GALNT17: variants seen among roughly 807,000 people sequenced by gnomAD.
GALNT17 encodes UDP-GalNAc:polypeptide N-acetylgalactosaminyltransferase-like 3.
In GALNT17, 29 loss-of-function variants were observed where a neutral mutation model predicts 63.7. The ratio of observed to expected loss-of-function variants is 0.46; its 90% CI spans 0.34 to 0.62. The LOEUF (loss-of-function observed/expected upper bound fraction) is 0.62. GALNT17 is among the 20% of genes least tolerant of loss of function. The probability of loss-of-function intolerance (pLI) is 0.01; values close to 1 mark genes in which losing one functional copy is unlikely to be tolerated. For synonymous variants in GALNT17, 305 were observed against 318.3 expected, an observed-to-expected ratio of 0.96 and a Z score of 0.45; for missense variants, 603 against 799.6, an observed-to-expected ratio of 0.75 and a Z score of 2.97.
chr7:71,216,181 C>T (rs1177779721), intron 1 of GALNT17, among the ~76,000 whole-genome samples: 3 of 152,066 alleles, frequency 2.0e-5, no homozygotes, highest in Admixed American at 2.0e-4. Flanking sequence ...CGCACCATTG[C>T]ACTTCAGCAT....
chr7:71,263,498 C>A (rs1485593024), intron 1 of GALNT17, among the ~76,000 whole-genome samples: 2 of 152,194 alleles, frequency 1.3e-5, no homozygotes, highest in Admixed American at 1.3e-4. Context: ...TGCTAGCAAA[C>A]AAATACAGGG....
At chr7:71,660,328 A>G (rs1212702959) in intron 6 of GALNT17, among the ~76,000 whole-genome samples, 4 of 152,078 alleles carry the variant, frequency 2.6e-5, no homozygotes, top group African/African-American at 9.7e-5. Context: ...CTCCTGGCCC[A>G]TTCCAACCCA....
At chr7:71,373,903 C>G (rs1243249956) in intron 2 of GALNT17, among the ~76,000 whole-genome samples, 1 of 152,160 alleles carries the variant, frequency 6.6e-6, no homozygotes, top group Non-Finnish European at 1.5e-5. Flanking sequence ...TATTGTTAAA[C>G]ACCATATGAC....
chr7:71,212,856 C>T (rs1002624818), intron 1 of GALNT17, among the ~76,000 whole-genome samples: 10 of 152,150 alleles, frequency 6.6e-5, no homozygotes, highest in African/African-American at 2.4e-4. Flanking sequence ...ACCTGTACCC[C>T]CATTGTATCT....
intron 9 of GALNT17, among the ~76,000 whole-genome samples, chr7:71,707,353 A>G (rs1267206591): frequency 6.6e-6 from 1 of 151,920 alleles, no homozygotes; most frequent in Non-Finnish European, 1.5e-5. Context: ...GAATGAATGC[A>G]TTTTTTTTAT....
intron 2 of GALNT17, among the ~76,000 whole-genome samples, chr7:71,374,834 ATTTTTTT>A (rs71089940): frequency 1.2e-4 from 13 of 109,654 alleles, no homozygotes; most frequent in African/African-American, 4.7e-4. Context: ...CTTGAGGAGG[ATTTTTTT>A]TTTTTTTTTT....
chr7:71,427,605 T>C (rs1290857303), intron 5 of GALNT17, among the ~76,000 whole-genome samples: 2 of 152,078 alleles, frequency 1.3e-5, no homozygotes, highest in Admixed American at 1.3e-4. Flanking sequence ...TGTACTCTTA[T>C]TGCTGGAGTC....
intron 8 of GALNT17, among the ~76,000 whole-genome samples, chr7:71,672,218 G>A (rs1313749692): frequency 6.6e-6 from 1 of 152,126 alleles, no homozygotes; most frequent in South Asian, 2.1e-4. Context: ...AAGACAATTG[G>A]CTCAATTGCC....
At chr7:71,303,173 T>C (rs1228841924) in intron 1 of GALNT17, among the ~76,000 whole-genome samples, 1 of 151,976 alleles carries the variant, frequency 6.6e-6, no homozygotes. Context: ...TTTTTTTTTT[T>C]TGAGACAGGT....
intron 1 of GALNT17, among the ~76,000 whole-genome samples, chr7:71,150,522 T>C (rs1011253693): frequency 4.6e-5 from 7 of 150,960 alleles, no homozygotes; most frequent in East Asian, 1.9e-4. Flanking sequence ...TTTTCTTTTT[T>C]TTTTTTTTGA....
chr7:71,224,911 G>A (rs1789653082), intron 1 of GALNT17, among the ~76,000 whole-genome samples: 1 of 152,116 alleles, frequency 6.6e-6, no homozygotes, highest in Non-Finnish European at 1.5e-5. Context: ...ATACTCTATT[G>A]TTGAAACCAA....
intron 5 of GALNT17, among the ~76,000 whole-genome samples, chr7:71,515,675 C>A (rs1045982713): frequency 1.3e-5 from 2 of 152,182 alleles, no homozygotes; most frequent in African/African-American, 4.8e-5. Context: ...TTATCACCTT[C>A]CTCATTCAGA....
At chr7:71,518,294 T>G (rs1400162352) in intron 5 of GALNT17, among the ~76,000 whole-genome samples, 1 of 152,236 alleles carries the variant, frequency 6.6e-6, no homozygotes, top group Non-Finnish European at 1.5e-5. Context: ...TCTGTACATT[T>G]CCTGTTTCCC....
In GALNT17 at chr7:71,685,948, A is replaced by ATTTT. The variant is rs3062958; in HGVS notation, c.1500+8663_1500+8666dup. Among the ~76,000 whole-genome samples the ATTTT allele has an allele frequency of 1.5e-3, 92 of 59,822 alleles. 2 individuals are homozygous for ATTTT. The highest frequency in any genetic ancestry group is 4.8e-3 in the African/African-American group (70 of 14,560). The allele number at this position is 59,822 out of a possible 152,430, so 39.2% of individuals were successfully genotyped here. ...TTTTTTTCTTTTCAAGGCAATTACT[A>ATTTT]TTTTTTTTTTTTTTTTTTTTTTTTG... On this transcript the variant is annotated intron_variant, in intron 9 of 10. Coordinates refer to ENST00000333538, the MANE Select transcript of GALNT17 (RefSeq NM_022479.3).
At chr7:71,575,712 G>T (rs576588424) in intron 6 of GALNT17, among the ~76,000 whole-genome samples, 4 of 152,126 alleles carry the variant, frequency 2.6e-5, no homozygotes, top group South Asian at 2.1e-4. Flanking sequence ...CCAAGAAATG[G>T]CTCAATCTGT....
chr7:71,458,387 G>C (rs4717598), intron 5 of GALNT17, among the ~76,000 whole-genome samples: 80,203 of 152,034 alleles, frequency 0.53, 23,212 homozygotes, highest in Non-Finnish European at 0.66. Context: ...GAGCGGGGGC[G>C]AGTGCTTTTG....
At chr7:71,555,921 G>T (rs1789156659) in intron 5 of GALNT17, among the ~76,000 whole-genome samples, 1 of 152,208 alleles carries the variant, frequency 6.6e-6, no homozygotes, top group South Asian at 2.1e-4. Flanking sequence ...TATTGCTTCA[G>T]CAGTTAACGT....
intron 2 of GALNT17, among the ~76,000 whole-genome samples, chr7:71,370,787 G>A (rs1024894947): frequency 6.6e-6 from 1 of 151,634 alleles, no homozygotes; most frequent in East Asian, 2.0e-4. Context: ...TTTATTTTTT[G>A]TAGAGATGGG....
At chr7:71,272,874 G>A (rs1477878699) in intron 1 of GALNT17, among the ~76,000 whole-genome samples, 1 of 152,126 alleles carries the variant, frequency 6.6e-6, no homozygotes, top group Non-Finnish European at 1.5e-5. Context: ...CTCCTGTTAT[G>A]TAGAAGATAT....
Sources: gnomAD v4.1 joint callset for allele counts (sites outside exome capture counted in the v4.1 genomes callset) on GRCh38, gnomAD v4.1.1 for gene constraint, MANE v1.5 for transcripts, NCBI Gene and HGNC (gene_info 2026-07-23, HGNC 2026-07-21) for gene names.